TMEM132D: variants seen among roughly 807,000 people sequenced by gnomAD.
The protein encoded by TMEM132D is mature OL transmembrane protein.
A neutral mutation model predicts 62.3 loss-of-function variants in TMEM132D; 21 were observed. That is an observed-to-expected ratio of 0.34 (90% CI 0.24 to 0.49). The LOEUF (loss-of-function observed/expected upper bound fraction) is 0.49, where lower values mean the gene tolerates loss of function less well. Ranked by LOEUF, TMEM132D falls within the 20% of genes least tolerant of loss-of-function variation. The pLI is 0.99. For synonymous variants in TMEM132D, 621 were observed against 575.6 expected, an observed-to-expected ratio of 1.08 and a Z score of -1.13; for missense variants, 1,346 against 1,402.8, an observed-to-expected ratio of 0.96 and a Z score of 0.65.
chr12:129,723,627 T>C lies in TMEM132D; in HGVS notation c.80-22929A>G, dbSNP rs963046233. On this transcript the variant is annotated intron_variant, in intron 1 of 8. Coordinates refer to ENST00000422113, the MANE Select transcript of TMEM132D (RefSeq NM_133448.3). ...GCTCTGTCCTCACTGGGGTCTGTGA[T>C]GCAGCTCCCTGACCTTGTCCCGACC... is the stretch of plus-strand genomic sequence containing the variant. Among the ~76,000 whole-genome samples, 6 of 152,242 alleles carry C rather than the reference T, an allele frequency of 3.9e-5. 1 individual carries two copies. The highest frequency in any genetic ancestry group is 1.4e-4 in the African/African-American group (6 of 41,452).
At chr12:129,719,860 A>T (rs1362623791) in intron 1 of TMEM132D, among the ~76,000 whole-genome samples, 2 of 152,192 alleles carry the variant, frequency 1.3e-5, no homozygotes, top group Non-Finnish European at 1.5e-5. Context: ...GTCTCTTAAA[A>T]ATAGGGCTTT....
intron 1 of TMEM132D, among the ~76,000 whole-genome samples, chr12:129,899,029 G>A (rs977508951): frequency 6.6e-6 from 1 of 152,238 alleles, no homozygotes; most frequent in African/African-American, 2.4e-5. Flanking sequence ...CCTGTCCTGT[G>A]TCCTCACAAC....
At chr12:129,730,246 T>C (rs977376935) in intron 1 of TMEM132D, among the ~76,000 whole-genome samples, 1 of 152,210 alleles carries the variant, frequency 6.6e-6, no homozygotes, top group African/African-American at 2.4e-5. Flanking sequence ...TGGCAATGAA[T>C]TGTTCACAGT....
At chr12:129,207,123 C>G (rs796269767) in intron 5 of TMEM132D, among the ~76,000 whole-genome samples, 2 of 152,084 alleles carry the variant, frequency 1.3e-5, no homozygotes, top group African/African-American at 4.8e-5. Context: ...TAAAAACACA[C>G]AAAAAGAAAA....
At chr12:129,253,179 CGTAAA>C (rs1566012608) in intron 4 of TMEM132D, among the ~76,000 whole-genome samples, 1 of 143,196 alleles carries the variant, frequency 7.0e-6, no homozygotes, top group African/African-American at 2.6e-5. Flanking sequence ...TACCCTAAAA[CGTAAA>C]GTAAAATAAT....
chr12:129,167,171 C>G (rs11060177), intron 5 of TMEM132D, among the ~76,000 whole-genome samples: 1 of 51,684 alleles, frequency 1.9e-5, no homozygotes, highest in African/African-American at 2.3e-4. Flanking sequence ...AAAAAAAAAA[C>G]AAAAAAAAAA....
At chr12:129,268,675 C>A (rs959597067) in intron 4 of TMEM132D, among the ~76,000 whole-genome samples, 4 of 152,090 alleles carry the variant, frequency 2.6e-5, no homozygotes, top group African/African-American at 7.2e-5. Flanking sequence ...TGGGTATATA[C>A]CCAAAGGATT....
chr12:129,757,333 T>C (rs1870201214), intron 1 of TMEM132D, among the ~76,000 whole-genome samples: 1 of 152,168 alleles, frequency 6.6e-6, no homozygotes, highest in Non-Finnish European at 1.5e-5. Flanking sequence ...TTTTTTCCCC[T>C]CCTTAATCTC....
chr12:129,356,685 T>TAAAC (rs1870065416), intron 3 of TMEM132D, among the ~76,000 whole-genome samples: 1 of 148,292 alleles, frequency 6.7e-6, no homozygotes, highest in African/African-American at 2.5e-5. Flanking sequence ...AATAAATAAA[T>TAAAC]AAATAAATAA....
chr12:129,364,980 T>C (rs1023681332), intron 3 of TMEM132D, among the ~76,000 whole-genome samples: 2 of 152,186 alleles, frequency 1.3e-5, no homozygotes, highest in South Asian at 2.1e-4. Context: ...AATTAATAAT[T>C]CTGTTTGCAT....
chr12:129,236,670 C>G (rs1444848048), intron 4 of TMEM132D, among the ~76,000 whole-genome samples: 1 of 151,954 alleles, frequency 6.6e-6, no homozygotes, highest in Non-Finnish European at 1.5e-5. Flanking sequence ...ATGTCATTTG[C>G]AGAGACAAGT....
chr12:129,733,704 G>A (rs1301676187), intron 1 of TMEM132D, among the ~76,000 whole-genome samples: 1 of 152,076 alleles, frequency 6.6e-6, no homozygotes, highest in Non-Finnish European at 1.5e-5. Flanking sequence ...GGTGGGGGAA[G>A]AAAAGTGAAG....
At chr12:129,696,492 G>A (rs967773451) in intron 2 of TMEM132D, among the ~76,000 whole-genome samples, 4 of 152,158 alleles carry the variant, frequency 2.6e-5, no homozygotes, top group African/African-American at 7.2e-5. Flanking sequence ...AGGCCCCCCG[G>A]CTGACTGTTG....
chr12:129,132,199 G>A (rs1467153369), intron 5 of TMEM132D, among the ~76,000 whole-genome samples: 5 of 152,080 alleles, frequency 3.3e-5, no homozygotes, highest in Admixed American at 6.6e-5. Flanking sequence ...TGTTCAAAAG[G>A]AGACTCTGTA....
intron 2 of TMEM132D, among the ~76,000 whole-genome samples, chr12:129,557,381 T>C (rs750242609): frequency 1.3e-5 from 2 of 152,042 alleles, no homozygotes; most frequent in Non-Finnish European, 2.9e-5. Context: ...TGAGGAGACG[T>C]GTTTAAGGGG....
chr12:129,736,898 A>C (rs1455557317), intron 1 of TMEM132D, among the ~76,000 whole-genome samples: 4 of 150,092 alleles, frequency 2.7e-5, no homozygotes, highest in African/African-American at 7.4e-5. Flanking sequence ...GCTCACTGCA[A>C]CCTCTGCCAC....
chr12:129,706,431 A>T (rs189022301), intron 1 of TMEM132D, among the ~76,000 whole-genome samples: 1 of 152,174 alleles, frequency 6.6e-6, no homozygotes, highest in East Asian at 1.9e-4. Context: ...GACACAATTC[A>T]CAATGCATAA....
At chr12:129,773,283 A>G (rs1190126331) in intron 1 of TMEM132D, among the ~76,000 whole-genome samples, 2 of 152,236 alleles carry the variant, frequency 1.3e-5, no homozygotes, top group Non-Finnish European at 1.5e-5. Flanking sequence ...AGGCAGACAC[A>G]TTGCAATGGA....
At chr12:129,836,839 A>T (rs984223536) in intron 1 of TMEM132D, among the ~76,000 whole-genome samples, 1 of 152,220 alleles carries the variant, frequency 6.6e-6, no homozygotes, top group Non-Finnish European at 1.5e-5. Context: ...TACAGTACTT[A>T]TATCTCTACA....
Sources: allele counts gnomAD v4.1 joint callset (sites outside exome capture counted in the v4.1 genomes callset), GRCh38; gene constraint gnomAD v4.1.1; transcripts MANE v1.5; gene names NCBI Gene and HGNC (gene_info 2026-07-23, HGNC 2026-07-21).